GSE1: variants seen among roughly 807,000 people sequenced by gnomAD.
The protein encoded by GSE1 is genetic suppressor element 1.
Under a neutral mutation model 112.6 loss-of-function variants are expected in GSE1, and 32 were observed. The ratio of observed to expected loss-of-function variants is 0.28; its 90% CI spans 0.21 to 0.38. The LOEUF is 0.38. Among genes scored for constraint, GSE1 ranks in the 10% least tolerant of loss-of-function variants. The pLI is 1.00. For missense variants in GSE1, 2,348 were observed against 1,699.2 expected, an observed-to-expected ratio of 1.38 and a Z score of -6.71; for synonymous variants, 1,115 against 735.6, an observed-to-expected ratio of 1.52 and a Z score of -8.35.
intron 2 of GSE1, among the ~76,000 whole-genome samples, chr16:85,364,331 C>T (rs545379005): frequency 4.6e-5 from 7 of 152,306 alleles, no homozygotes; most frequent in African/African-American, 1.4e-4. Flanking sequence ...TGCACCAGGC[C>T]CACGTGGCTA....
At chr16:85,346,223 G>T (rs1287580535) in intron 1 of GSE1, among the ~76,000 whole-genome samples, 1 of 151,044 alleles carries the variant, frequency 6.6e-6, no homozygotes, top group Non-Finnish European at 1.5e-5. Context: ...ATGCATAGAT[G>T]GAGGGGCGGG....
chr16:85,402,670 C>T (rs1422429562), intron 2 of GSE1, among the ~76,000 whole-genome samples: 1 of 152,174 alleles, frequency 6.6e-6, no homozygotes, highest in Non-Finnish European at 1.5e-5. Flanking sequence ...ACCTGTAATC[C>T]TAGCATTTCA....
At chr16:85,523,550 G>T (rs1027808506) in intron 2 of GSE1, among the ~76,000 whole-genome samples, 2 of 152,166 alleles carry the variant, frequency 1.3e-5, no homozygotes, top group Admixed American at 1.3e-4. Flanking sequence ...AAGGAAGCAG[G>T]GCTAAGGAAC....
intron 1 of GSE1, among the ~76,000 whole-genome samples, chr16:85,188,725 G>A (rs886979355): frequency 2.0e-5 from 3 of 151,642 alleles, no homozygotes; most frequent in South Asian, 2.1e-4. Flanking sequence ...TACTTGAGCC[G>A]AGGAGTTCAA....
intron 1 of GSE1, among the ~76,000 whole-genome samples, chr16:85,296,229 T>A (rs2045362724): frequency 6.6e-6 from 1 of 152,052 alleles, no homozygotes; most frequent in Non-Finnish European, 1.5e-5. Context: ...CCGTGGCCAG[T>A]CTCTAACCAC....
At chr16:85,528,702 G>T (rs1017684783) in intron 2 of GSE1, among the ~76,000 whole-genome samples, 1 of 151,506 alleles carries the variant, frequency 6.6e-6, no homozygotes, top group African/African-American at 2.4e-5. Flanking sequence ...TGGTCAGGAA[G>T]GGCCTTCTGA....
intron 2 of GSE1, among the ~76,000 whole-genome samples, chr16:85,497,579 C>G (rs994918933): frequency 6.6e-6 from 1 of 152,212 alleles, no homozygotes; most frequent in Non-Finnish European, 1.5e-5. Flanking sequence ...ACTGCCATCT[C>G]ACAGCAAACT....
Position 85,284,031 on chromosome 16 carries a change from A to C in GSE1, c.2284-73432A>C, listed in dbSNP as rs565957547. 7.6e-4 allele frequency among the ~76,000 whole-genome samples: 115 copies of C among 152,280 alleles called. 1 individual carries two copies. Among genetic ancestry groups the C allele is most frequent in the Admixed American group, 3.6e-3 (55 of 15,302 alleles). ...GGGGGCGGGGAGGGAGGCAGGCTGC[A>C]TGGCCTCCACAGTCCCTCCCAGCAA... is the stretch of plus-strand genomic sequence containing the variant. On this transcript the variant is annotated intron_variant, in intron 1 of 2. Transcript: ENST00000637419.
At chr16:85,369,293 G>A (rs2047246350) in intron 2 of GSE1, among the ~76,000 whole-genome samples, 1 of 151,960 alleles carries the variant, frequency 6.6e-6, no homozygotes, top group Admixed American at 6.6e-5. Flanking sequence ...ACGGCTCACT[G>A]CAACCTTGAC....
At chr16:85,204,172 C>T (rs1244202027) in intron 1 of GSE1, among the ~76,000 whole-genome samples, 4 of 152,198 alleles carry the variant, frequency 2.6e-5, no homozygotes, top group East Asian at 1.9e-4. Context: ...ATCTCCTTTC[C>T]GTCTACAGAT....
chr16:85,273,532 G>A (rs1340516331), intron 1 of GSE1, among the ~76,000 whole-genome samples: 3 of 148,426 alleles, frequency 2.0e-5, no homozygotes, highest in African/African-American at 5.0e-5. Context: ...AAAACGTGAC[G>A]CTGAGTGACA....
At chr16:85,381,086 A>G (rs113586456) in intron 2 of GSE1, among the ~76,000 whole-genome samples, 16 of 152,318 alleles carry the variant, frequency 1.1e-4, no homozygotes, top group African/African-American at 3.9e-4. Flanking sequence ...TCCCAGACGC[A>G]TTAGCTCTGC....
chr16:85,602,726 T>C (rs368983172), intron 1 of GSE1, among the ~76,000 whole-genome samples: 14 of 152,212 alleles, frequency 9.2e-5, no homozygotes, highest in African/African-American at 3.1e-4. Flanking sequence ...TTGATCTTTA[T>C]GAAGGAAGAC....
rs117979827 is a variant in GSE1 at position 85,558,839 on chromosome 16, G to T, written c.37+2476G>T. Among the ~76,000 whole-genome samples, 389 of 152,292 alleles carry T rather than the reference G, an allele frequency of 2.6e-3. No homozygotes were observed. In the Middle Eastern group the frequency reaches 0.044, roughly 17 times the overall value. On this transcript the variant is annotated intron_variant, in intron 1 of 2. Transcript: ENST00000635906. ...GGGCTGGGGTTAACGCATTGAGAGTGATGGAAACGGCAGTGGCCTGGTCCT... is the reference window on the plus strand; with the variant it reads ...GGGCTGGGGTTAACGCATTGAGAGTTATGGAAACGGCAGTGGCCTGGTCCT...
At chr16:85,526,215 G>A (rs2052360282) in intron 2 of GSE1, among the ~76,000 whole-genome samples, 1 of 152,242 alleles carries the variant, frequency 6.6e-6, no homozygotes, top group Non-Finnish European at 1.5e-5. Flanking sequence ...CTGTGTGCCA[G>A]GCCCAGCTCC....
chr16:85,395,947 C>A lies in GSE1; in HGVS notation c.2464+38304C>A, dbSNP rs114005178. On this transcript the variant is annotated intron_variant, in intron 2 of 2. Coordinates refer to the GSE1 transcript ENST00000637419. ...CCTGAGTCCCCCCAGCCTGCAGAGC[C>A]CACAGCCCTGTCCCCCGGCTGGTAT... Among the ~76,000 whole-genome samples, 793 of 152,314 alleles carry A rather than the reference C, an allele frequency of 5.2e-3. 5 individuals carry two copies. Among genetic ancestry groups the A allele is most frequent in the African/African-American group, 0.017 (706 of 41,578 alleles).
At chr16:85,219,522 C>T (rs1361348806) in intron 1 of GSE1, among the ~76,000 whole-genome samples, 1 of 152,146 alleles carries the variant, frequency 6.6e-6, no homozygotes, top group South Asian at 2.1e-4. Flanking sequence ...CTTGGACCAC[C>T]TTGCACTCTC....
At chr16:85,485,101 C>T (rs879808840) in intron 2 of GSE1, among the ~76,000 whole-genome samples, 6 of 152,238 alleles carry the variant, frequency 3.9e-5, no homozygotes, top group African/African-American at 1.4e-4. Context: ...CCACCACAGA[C>T]AAAAGCAGGA....
chr16:85,416,631 T>TGCAGGTTTCCTTGCTAAGAGTTGCTAA (rs2048709684), intron 2 of GSE1, among the ~76,000 whole-genome samples: 1 of 152,230 alleles, frequency 6.6e-6, no homozygotes. Flanking sequence ...TCAGCAGCCC[T>TGCAGGTTTCCTTGCTAAGAGTTGCTAA]GCAGGTTTCC....
Sources: gnomAD v4.1 joint callset for allele counts (sites outside exome capture counted in the v4.1 genomes callset) on GRCh38, gnomAD v4.1.1 for gene constraint, MANE v1.5 for transcripts, NCBI Gene and HGNC (gene_info 2026-07-23, HGNC 2026-07-21) for gene names.